The following DMD variants were observed in gnomAD, a reference collection of about 807,000 sequenced individuals.
The protein encoded by DMD is mutant dystrophin.
Under a neutral mutation model 330.1 loss-of-function variants are expected in DMD, and 63 were observed. The observed-to-expected ratio is 0.19, with a 90% confidence interval of 0.16 to 0.24. The LOEUF is 0.24. Among genes scored for constraint, DMD ranks in the 10% least tolerant of loss-of-function variants. The pLI, the probability that DMD is intolerant of heterozygous loss-of-function variation, is 1.00. For missense variants in DMD, 3,344 were observed against 2,684.1 expected (o/e 1.25, Z -5.43); for synonymous variants, 1,223 against 959.8 (o/e 1.27, Z -5.07).
chrX:32,919,821 C>CTA (rs1379636420), intron 2 of DMD, among the ~76,000 whole-genome samples: 1 of 111,247 alleles, frequency 9.0e-6, no homozygotes, highest in Non-Finnish European at 1.9e-5. Flanking sequence ...AGATATATAA[C>CTA]TATATATACC....
chrX:31,888,124 G>A (rs1422311619), intron 47 of DMD, among the ~76,000 whole-genome samples: 1 of 111,330 alleles, frequency 9.0e-6, no homozygotes, highest in Non-Finnish European at 1.9e-5. Context: ...GTAGAAGAGG[G>A]TAGACCCTCT....
At chrX:32,541,489 A>G (rs1350144943) in intron 17 of DMD, among the ~76,000 whole-genome samples, 1 of 112,505 alleles carries the variant, frequency 8.9e-6, no homozygotes, top group Non-Finnish European at 1.9e-5. Context: ...AGAATACTGG[A>G]ATCTGAGGCA....
intron 1 of DMD, among the ~76,000 whole-genome samples, chrX:33,302,869 C>A (rs1159203523): frequency 9.0e-6 from 1 of 111,673 alleles, no homozygotes; most frequent in African/African-American, 3.3e-5. Context: ...AATGTATTCA[C>A]AATTATAGCA....
intron 1 of DMD, among the ~76,000 whole-genome samples, chrX:33,092,216 G>T (rs972994227): frequency 9.0e-6 from 1 of 111,540 alleles, no homozygotes; most frequent in Non-Finnish European, 1.9e-5. Flanking sequence ...ATCTCCTAAA[G>T]AAATGTTCCA....
intron 2 of DMD, among the ~76,000 whole-genome samples, chrX:32,941,080 C>T (rs56724883): frequency 0.016 from 1,784 of 111,445 alleles, 28 homozygotes; most frequent in East Asian, 0.075. Context: ...CAGAGAAATG[C>T]AAATCAAAAC....
chrX:33,264,777 A>G (rs1479679162), intron 1 of DMD, among the ~76,000 whole-genome samples: 1 of 110,921 alleles, frequency 9.0e-6, no homozygotes, highest in Non-Finnish European at 1.9e-5. Context: ...TTAGCATTGA[A>G]GGAAATAAGG....
At chrX:31,403,522 G>A (rs1474247591) in intron 60 of DMD, among the ~76,000 whole-genome samples, 1 of 111,947 alleles carries the variant, frequency 8.9e-6, no homozygotes, top group African/African-American at 3.2e-5. Context: ...GGATATCAAG[G>A]AGTTTCCTTT....
chrX:31,849,717 A>T (rs1019333656), intron 48 of DMD, among the ~76,000 whole-genome samples: 2 of 110,572 alleles, frequency 1.8e-5, no homozygotes, highest in Non-Finnish European at 3.8e-5. Context: ...ATATATATGA[A>T]TATATATTTA....
At chrX:32,045,598 C>T (rs891427624) in intron 44 of DMD, among the ~76,000 whole-genome samples, 12 of 110,969 alleles carry the variant, frequency 1.1e-4, no homozygotes, top group African/African-American at 3.6e-4. Flanking sequence ...GACCCACCCT[C>T]CCCGTCTGTC....
rs373498710 is a variant in DMD, at chrX:31,476,397, GTATA to G, written c.8937+1705_8937+1708del. The stretch of plus-strand genomic sequence containing the variant: ...TATCTAACTATGTATGTGTGTGTGT[GTATA>G]TATATATATATATATATATACACAC... On this transcript the variant is annotated intron_variant, in intron 59 of 78. Transcript: ENST00000357033. Among the ~76,000 whole-genome samples the G allele has an allele frequency of 3.7e-3, 330 of 88,299 alleles. 1 individual carries two copies. The highest frequency in any genetic ancestry group is 0.012 in the African/African-American group (276 of 23,462). 76.7% of individuals were successfully genotyped at this position (88,299 alleles called of 115,157 possible).
intron 30 of DMD, among the ~76,000 whole-genome samples, chrX:32,403,049 G>A (rs1330468201): frequency 9.0e-6 from 1 of 111,429 alleles, no homozygotes; most frequent in Non-Finnish European, 1.9e-5. Context: ...GGTGGCCCAC[G>A]GTCTTACAGC....
chrX:32,356,334 A>T (rs2097799686), intron 37 of DMD, among the ~76,000 whole-genome samples: 1 of 99,970 alleles, frequency 1.0e-5, no homozygotes, highest in African/African-American at 3.6e-5. Context: ...AAAGTCTCTT[A>T]TCCAAAGAAT....
At chrX:32,945,601 A>G (rs1321817205) in intron 2 of DMD, among the ~76,000 whole-genome samples, 1 of 111,594 alleles carries the variant, frequency 9.0e-6, no homozygotes, top group Non-Finnish European at 1.9e-5. Flanking sequence ...TAATGAGGAT[A>G]CCTTCAATAT....
At chrX:31,527,186 A>G (rs988945254) in intron 55 of DMD, among the ~76,000 whole-genome samples, 2 of 111,994 alleles carry the variant, frequency 1.8e-5, no homozygotes, top group African/African-American at 6.5e-5. Context: ...CAAGAATATA[A>G]GAATGCAAAG....
intron 30 of DMD, among the ~76,000 whole-genome samples, chrX:32,407,775 T>A (rs1196193975): frequency 9.1e-6 from 1 of 109,515 alleles, no homozygotes; most frequent in Admixed American, 9.8e-5. Context: ...CATATACACC[T>A]TGGAATACTA....
chrX:32,403,866 A>C (rs1158374923), intron 30 of DMD, among the ~76,000 whole-genome samples: 1 of 111,958 alleles, frequency 8.9e-6, no homozygotes, highest in Non-Finnish European at 1.9e-5. Flanking sequence ...TAAATTATCC[A>C]ATTACCACAT....
chrX:33,302,825 G>C (rs1188450883), intron 1 of DMD, among the ~76,000 whole-genome samples: 1 of 111,329 alleles, frequency 9.0e-6, no homozygotes, highest in African/African-American at 3.3e-5. Flanking sequence ...CTTGGGTGTT[G>C]TGCATTCTAT....
At chrX:32,328,566 T>C (rs1330438215) in intron 41 of DMD, among the ~76,000 whole-genome samples, 1 of 111,157 alleles carries the variant, frequency 9.0e-6, no homozygotes, top group African/African-American at 3.3e-5. Flanking sequence ...TTTCTCTTCC[T>C]CATTCTGAAA....
At chrX:33,277,882 A>T (rs1403770563) in intron 1 of DMD, among the ~76,000 whole-genome samples, 1 of 110,961 alleles carries the variant, frequency 9.0e-6, no homozygotes, top group Admixed American at 9.6e-5. Context: ...TCAAGGCGGG[A>T]GGATCGCTGG....
Sources: gnomAD v4.1 joint callset for allele counts (sites outside exome capture counted in the v4.1 genomes callset) on GRCh38, gnomAD v4.1.1 for gene constraint, MANE v1.5 for transcripts, NCBI Gene and HGNC (gene_info 2026-07-23, HGNC 2026-07-21) for gene names.